SHANK2: variants seen among roughly 807,000 people sequenced by gnomAD.
SHANK2 encodes SH3 and multiple ankyrin repeat domains protein 2.
A neutral mutation model predicts 133.7 loss-of-function variants in SHANK2; 43 were observed. The ratio of observed to expected loss-of-function variants is 0.32; its 90% CI spans 0.25 to 0.41. The LOEUF is 0.41. Ranked by LOEUF, SHANK2 falls within the 10% of genes least tolerant of loss-of-function variation. The probability of loss-of-function intolerance (pLI) is 1.00; values close to 1 mark genes in which losing one functional copy is unlikely to be tolerated. For missense variants in SHANK2, 1,994 were observed against 2,235.8 expected (o/e 0.89, Z 2.18); for synonymous variants, 1,017 against 952.8 (o/e 1.07, Z -1.24).
Position 71,251,442 on chromosome 11 carries a change from C to G in SHANK2, c.-113+983G>C, listed in dbSNP as rs539067273. On this transcript the variant is annotated intron_variant, in intron 1 of 25. Transcript: ENST00000601538. ...CTGGCTCAGTCCGGCGGCTCCAGCC[C>G]AAGTGACGAGTGCGCTGTCGGCGTC... Among the ~76,000 whole-genome samples the G allele has an allele frequency of 6.5e-3, 988 of 152,174 alleles. 10 individuals are homozygous for G. The highest frequency in any genetic ancestry group is 0.023 in the African/African-American group (950 of 41,548).
chr11:70,950,438 G>A (rs1410568011), intron 10 of SHANK2, among the ~76,000 whole-genome samples: 2 of 152,108 alleles, frequency 1.3e-5, no homozygotes, highest in East Asian at 1.9e-4. Context: ...TGATCCGCCC[G>A]CTTCAGCCCC....
intron 1 of SHANK2, among the ~76,000 whole-genome samples, chr11:71,242,908 C>T (rs1305876337): frequency 2.6e-5 from 4 of 152,158 alleles, no homozygotes; most frequent in Admixed American, 2.6e-4. Context: ...GAATGAAATT[C>T]GAAATTTATT....
chr11:71,173,424 G>A (rs193153004), intron 2 of SHANK2, among the ~76,000 whole-genome samples: 11 of 152,358 alleles, frequency 7.2e-5, no homozygotes, highest in African/African-American at 2.4e-4. Context: ...ACTGCATGTG[G>A]TCCAGGTGTG....
At chr11:70,637,602 T>C (rs1377943029) in intron 17 of SHANK2, among the ~76,000 whole-genome samples, 2 of 152,004 alleles carry the variant, frequency 1.3e-5, no homozygotes, top group Admixed American at 6.6e-5. Flanking sequence ...GTGTGACCCG[T>C]GGGAGGCCGC....
chr11:70,499,640 G>A (rs1186061595), intron 21 of SHANK2, among the ~76,000 whole-genome samples: 1 of 152,222 alleles, frequency 6.6e-6, no homozygotes, highest in Non-Finnish European at 1.5e-5. Context: ...GTAATTGCAC[G>A]ACATAGAAAG....
intron 17 of SHANK2, among the ~76,000 whole-genome samples, chr11:70,624,979 T>G (rs2060885238): frequency 6.6e-6 from 1 of 152,252 alleles, no homozygotes; most frequent in Non-Finnish European, 1.5e-5. Context: ...AGACCACCCT[T>G]CCTCAATTCA....
At chr11:70,630,924 C>G (rs1395074664) in intron 17 of SHANK2, among the ~76,000 whole-genome samples, 1 of 152,212 alleles carries the variant, frequency 6.6e-6, no homozygotes, top group African/African-American at 2.4e-5. Flanking sequence ...GTGACCTGCG[C>G]ATCCTGTGGT....
At chr11:70,605,786 G>C (rs2060568792) in intron 17 of SHANK2, among the ~76,000 whole-genome samples, 1 of 152,150 alleles carries the variant, frequency 6.6e-6, no homozygotes, top group Admixed American at 6.5e-5. Context: ...CCAGAGCAAA[G>C]AAAACCCGAG....
intron 1 of SHANK2, among the ~76,000 whole-genome samples, chr11:71,233,647 T>C (rs1954781542): frequency 6.6e-6 from 1 of 152,116 alleles, no homozygotes; most frequent in South Asian, 2.1e-4. Flanking sequence ...CTCAACAAAT[T>C]CTCTAAGAAA....
chr11:70,873,169 C>T (rs1208124900), intron 11 of SHANK2: 5 of 465,852 alleles, frequency 1.1e-5, no homozygotes, highest in East Asian at 1.4e-4. Flanking sequence ...CCACAGCAAC[C>T]GTGGCATCCC....
chr11:70,494,004 C>G (rs1555156546), intron 21 of SHANK2, among the ~76,000 whole-genome samples: 1 of 152,218 alleles, frequency 6.6e-6, no homozygotes, highest in African/African-American at 2.4e-5. Context: ...ACGGGCAAAG[C>G]TCCCAGAGCC....
intron 11 of SHANK2, among the ~76,000 whole-genome samples, chr11:70,886,397 C>T (rs1301203657): frequency 6.6e-6 from 1 of 152,166 alleles, no homozygotes; most frequent in African/African-American, 2.4e-5. Flanking sequence ...GGAGGGGACT[C>T]AATAACGGGG....
intron 17 of SHANK2, among the ~76,000 whole-genome samples, chr11:70,657,261 C>T (rs1474092184): frequency 6.6e-6 from 1 of 152,132 alleles, no homozygotes; most frequent in African/African-American, 2.4e-5. Flanking sequence ...AGCTCAGAAA[C>T]CCCACTGACT....
Position 70,492,458 on chromosome 11 carries a change from G to A in SHANK2, c.2316C>T (p.Pro772=), listed in dbSNP as rs782521909. The change falls in exon 22 of 26, where the codon CCC becomes CCT. Residue 772 remains proline, a synonymous_variant. Transcript: ENST00000601538. ...KASVRKKKDK[P]EEIVPASKPS... Reference sequence around the variant, plus strand: ...GCTTGGAGGCCGGGACTATCTCCTCGGGTTTATCTGCAATAGAACCGTGAG... The same window carrying A: ...GCTTGGAGGCCGGGACTATCTCCTCAGGTTTATCTGCAATAGAACCGTGAG... The A allele has an allele frequency of 7.4e-6, 12 of 1,613,986 alleles. No homozygotes were observed. Among genetic ancestry groups the A allele is most frequent in the Admixed American group, 1.7e-5 (1 of 60,030 alleles).
chr11:70,931,423 C>A (rs1033674617), intron 10 of SHANK2, among the ~76,000 whole-genome samples: 2 of 152,216 alleles, frequency 1.3e-5, no homozygotes, highest in Non-Finnish European at 2.9e-5. Context: ...GAAACCAGCA[C>A]CAGAGATGTC....
chr11:70,592,937 G>A (rs1024604688), intron 17 of SHANK2, among the ~76,000 whole-genome samples: 1 of 152,178 alleles, frequency 6.6e-6, no homozygotes, highest in Non-Finnish European at 1.5e-5. Flanking sequence ...TGTCACCTAC[G>A]TGATGCAACC....
chr11:70,720,209 A>C (rs1946045892), intron 14 of SHANK2, among the ~76,000 whole-genome samples: 1 of 152,238 alleles, frequency 6.6e-6, no homozygotes, highest in Non-Finnish European at 1.5e-5. Flanking sequence ...GACTACCTGC[A>C]CACACGTGCT....
intron 10 of SHANK2, among the ~76,000 whole-genome samples, chr11:70,954,997 G>T (rs1463616888): frequency 1.3e-5 from 2 of 152,202 alleles, no homozygotes; most frequent in Non-Finnish European, 2.9e-5. Context: ...TGCACTGAAA[G>T]GTACCCAAAC....
At chr11:71,112,370 G>A (rs966852151) in intron 5 of SHANK2, among the ~76,000 whole-genome samples, 12 of 152,172 alleles carry the variant, frequency 7.9e-5, no homozygotes, top group African/African-American at 2.9e-4. Context: ...TGCAGCCTGA[G>A]CAACACAGCA....
Sources: gnomAD v4.1 joint callset for allele counts (sites outside exome capture counted in the v4.1 genomes callset) on GRCh38, gnomAD v4.1.1 for gene constraint, MANE v1.5 for transcripts, NCBI Gene and HGNC (gene_info 2026-07-23, HGNC 2026-07-21) for gene names.